The following IQGAP1 variants were observed in gnomAD, a reference collection of about 807,000 sequenced individuals.
IQGAP1 encodes the protein ras GTPase-activating-like protein IQGAP1.
A neutral mutation model predicts 215.6 loss-of-function variants in IQGAP1; 66 were observed. The ratio of observed to expected loss-of-function variants is 0.31; its 90% CI spans 0.25 to 0.38. The LOEUF (loss-of-function observed/expected upper bound fraction) is 0.38. Among genes scored for constraint, IQGAP1 ranks in the 10% least tolerant of loss-of-function variants. The probability of loss-of-function intolerance (pLI) is 1.00; values close to 1 mark genes in which losing one functional copy is unlikely to be tolerated. For synonymous variants in IQGAP1, 772 were observed against 728.7 expected (o/e 1.06, Z -0.96); for missense variants, 1,712 against 1,997.1 (o/e 0.86, Z 2.72).
intron 11 of IQGAP1, among the ~76,000 whole-genome samples, chr15:90,450,306 T>C (rs1374503603): frequency 1.4e-5 from 2 of 147,580 alleles, no homozygotes; most frequent in Non-Finnish European, 3.0e-5. Context: ...GGCTGAATAA[T>C]ATTCCATTAT....
chr15:90,440,414 C>T, intron 6 of IQGAP1, 88 bp from the exon 7 acceptor site: 3 of 874,058 alleles, frequency 3.4e-6, no homozygotes, highest in Non-Finnish European at 5.5e-6. Context: ...CCATTTTATC[C>T]CATTGCATAG....
chr15:90,410,438 A>C (rs180949743), intron 2 of IQGAP1, among the ~76,000 whole-genome samples: 1 of 152,220 alleles, frequency 6.6e-6, no homozygotes, highest in Non-Finnish European at 1.5e-5. Context: ...AACCAACCCA[A>C]ATGTCCATCA....
chr15:90,490,364 T>C (rs1966186280), intron 33 of IQGAP1, among the ~76,000 whole-genome samples: 1 of 152,072 alleles, frequency 6.6e-6, no homozygotes, highest in South Asian at 2.1e-4. Flanking sequence ...GGAATGGTAA[T>C]TGGTGATAAG....
intron 23 of IQGAP1, among the ~76,000 whole-genome samples, chr15:90,476,354 G>C (rs1182002865): frequency 6.6e-6 from 1 of 152,086 alleles, no homozygotes; most frequent in East Asian, 1.9e-4. Flanking sequence ...AAATAACATT[G>C]CAATTAATGT....
chr15:90,474,030 T>C, intron 21 of IQGAP1, 34 bp from the exon 22 acceptor site: 1 of 1,591,990 alleles, frequency 6.3e-7, no homozygotes, highest in African/African-American at 1.6e-5. Context: ...GGTAGACAGA[T>C]GAACAGAGAA....
At chr15:90,443,542 T>G in intron 9 of IQGAP1, 64 bp downstream of exon 9, 7 of 917,332 alleles carry the variant, frequency 7.6e-6, no homozygotes, top group Non-Finnish European at 1.2e-5. Flanking sequence ...TGTTGATCTA[T>G]TCTGGGACTT....
intron 15 of IQGAP1, among the ~76,000 whole-genome samples, chr15:90,458,868 A>G (rs1965722913): frequency 6.6e-6 from 1 of 152,208 alleles, no homozygotes; most frequent in South Asian, 2.1e-4. Flanking sequence ...TCTATCAGAT[A>G]CTACACTTAC....
Position 90,443,458 on chromosome 15 carries a change from G to T in IQGAP1, c.893G>T (p.Gly298Val). The change falls in exon 9 of 38, where the codon GGC becomes GTC. Residue 298 changes from glycine to valine, a missense_variant. Physicochemically the swap from Gly to Val is moderately radical, Grantham distance 109. This residue lies in a region of IQGAP1 where 1,021 missense variants were observed against 1,074.2 expected (regional missense o/e 0.95). Coordinates refer to ENST00000268182, the MANE Select transcript of IQGAP1 (RefSeq NM_003870.4). ...EELLTQAEIQGNINKVNTFSA... is the reference protein window; with the variant it reads ...EELLTQAEIQVNINKVNTFSA... Reference sequence around the variant, plus strand: ...CTGCTCACGCAAGCTGAAATTCAAGGCAATATAAACAAAGTCAATAGTAAG... The same window carrying T: ...CTGCTCACGCAAGCTGAAATTCAAGTCAATATAAACAAAGTCAATAGTAAG... 1.2e-6 allele frequency: 2 copies of T among 1,609,668 alleles called. No individual in the cohort carries two copies. Among genetic ancestry groups the T allele is most frequent in the Non-Finnish European group, 1.7e-6 (2 of 1,176,150 alleles).
intron 2 of IQGAP1, among the ~76,000 whole-genome samples, chr15:90,417,110 C>T (rs999771255): frequency 6.6e-6 from 1 of 152,118 alleles, no homozygotes; most frequent in African/African-American, 2.4e-5. Context: ...GATATTAGCC[C>T]TTTGTCAGAT....
At chr15:90,491,909 A>G (rs77973135) in intron 34 of IQGAP1, among the ~76,000 whole-genome samples, 2 of 152,182 alleles carry the variant, frequency 1.3e-5, no homozygotes, top group Admixed American at 1.3e-4. Context: ...TTTGGTGAGG[A>G]CTAAGAGTTT....
chr15:90,431,106 A>G (rs550916164), intron 4 of IQGAP1: 58 of 150,212 alleles, frequency 3.9e-4, no homozygotes, highest in African/African-American at 1.2e-3. Flanking sequence ...TATATAGTAT[A>G]TTGATATGTA....
chr15:90,491,652 A>G lies in IQGAP1; in HGVS notation c.4461+107A>G, dbSNP rs141803920. On this transcript the variant is annotated intron_variant, in intron 34 of 37. Transcript: ENST00000268182. ...CATAGCTTCAGTTCATGGGCAAATT[A>G]GTGCCCTCCTCTATGAGAAACCATA... The G allele has an allele frequency of 7.6e-4, 630 of 833,842 alleles. 3 individuals carry two copies. In the Middle Eastern group the frequency reaches 0.012, roughly 16 times the overall value. 51.7% of individuals were successfully genotyped at this position (833,842 alleles called of 1,614,324 possible).
chr15:90,487,216 C>T (rs1194728572), intron 32 of IQGAP1, 127 bp downstream of exon 32: 4 of 865,448 alleles, frequency 4.6e-6, no homozygotes, highest in Non-Finnish European at 5.6e-6. Flanking sequence ...TAATCCCAGT[C>T]ACCAATCACC....
At chr15:90,491,693 T>C in intron 34 of IQGAP1, 148 bp downstream of exon 34, 2 of 662,532 alleles carry the variant, frequency 3.0e-6, no homozygotes, top group South Asian at 3.9e-5. Context: ...CTCTCCAGCA[T>C]GAGGGCCTTG....
chr15:90,433,380 T>C (rs1596264046), intron 4 of IQGAP1, among the ~76,000 whole-genome samples: 2 of 152,320 alleles, frequency 1.3e-5, no homozygotes, highest in East Asian at 3.9e-4. Flanking sequence ...GTCCAGTGAT[T>C]TAAACTGGAC....
intron 2 of IQGAP1, among the ~76,000 whole-genome samples, chr15:90,411,893 G>A (rs1964971385): frequency 6.6e-6 from 1 of 152,096 alleles, no homozygotes; most frequent in Non-Finnish European, 1.5e-5. Flanking sequence ...TATTAGCCGA[G>A]ACTTAAACAA....
At chr15:90,419,078 C>T (rs1965095131) in intron 2 of IQGAP1, among the ~76,000 whole-genome samples, 1 of 151,404 alleles carries the variant, frequency 6.6e-6, no homozygotes, top group Admixed American at 6.6e-5. Flanking sequence ...TCGCTTGAAC[C>T]CTGAAAGTCA....
At chr15:90,494,923 G>T in intron 36 of IQGAP1, 88 bp downstream of exon 36, 1 of 924,236 alleles carries the variant, frequency 1.1e-6, no homozygotes, top group East Asian at 2.6e-5. Flanking sequence ...CTCTTTTCTG[G>T]ATGGTTACTT....
chr15:90,474,104 A>G lies in IQGAP1; in HGVS notation c.2546A>G (p.Asn849Ser). The G allele has an allele frequency of 6.2e-7, 1 of 1,613,386 alleles. No homozygotes were observed. Among genetic ancestry groups the G allele is most frequent in the Non-Finnish European group, 8.5e-7 (1 of 1,179,714 alleles). ...AAAATCCAGGCTTTTATTCGGGCAA[A>G]CAAAGCTCGGGATGACTACAAGACT... Reference protein sequence around the residue: ...IIKIQAFIRANKARDDYKTLI... With the variant: ...IIKIQAFIRASKARDDYKTLI... Residue 849 changes from asparagine (N) to serine (S), a missense_variant, in exon 22 of 38, where the codon AAC (asparagine) becomes AGC (serine). Around this residue, in one of 2 missense-constraint regions of IQGAP1, gnomAD observed 1,021 missense variants for 1,074.2 expected, o/e 0.95. Transcript: ENST00000268182.
Sources: gnomAD v4.1 joint callset for allele counts (sites outside exome capture counted in the v4.1 genomes callset) on GRCh38, gnomAD v4.1.1 for gene constraint, gnomAD v4.1.1 regional missense constraint, MANE v1.5 for transcripts, NCBI Gene and HGNC (gene_info 2026-07-23, HGNC 2026-07-21) for gene names.